RPA1: variants seen among roughly 807,000 people sequenced by gnomAD.
RPA1 encodes the protein replication protein A 70 kDa DNA-binding subunit.
RPA1 carries 49 observed loss-of-function variants against 83.0 expected under a neutral mutation model. The ratio of observed to expected loss-of-function variants is 0.59; its 90% CI spans 0.47 to 0.75. RPA1 has a LOEUF of 0.75. RPA1 is among the 30% of genes least tolerant of loss of function. The pLI is 0.00. For missense variants in RPA1, 693 were observed against 776.1 expected (o/e 0.89, Z 1.27); for synonymous variants, 279 against 281.8 (o/e 0.99, Z 0.10).
At chr17:1,842,736 T>C in intron 1 of RPA1, 67 bp from the exon 2 acceptor site, 1 of 1,421,642 alleles carries the variant, frequency 7.0e-7, no homozygotes, top group South Asian at 1.2e-5. Context: ...ATACCAACTA[T>C]AAAAACATGT....
At chr17:1,883,018 C>T (rs1042721658) in intron 12 of RPA1, among the ~76,000 whole-genome samples, 3 of 152,112 alleles carry the variant, frequency 2.0e-5, no homozygotes, top group Non-Finnish European at 2.9e-5. Flanking sequence ...AAGGTCATTC[C>T]GTTTCTTCAG....
chr17:1,853,302 T>C (rs1912569328), intron 5 of RPA1, 113 bp downstream of exon 5: 1 of 804,746 alleles, frequency 1.2e-6, no homozygotes, highest in African/African-American at 1.7e-5. Flanking sequence ...TGATAGTGAT[T>C]CTGAGGTCTA....
At chr17:1,873,606 G>T (rs7503173) in intron 6 of RPA1, among the ~76,000 whole-genome samples, 43,896 of 151,812 alleles carry the variant, frequency 0.29, 8,130 homozygotes, top group African/African-American at 0.51. Context: ...TACCTTGCAC[G>T]ATCCGTCTAC....
intron 1 of RPA1, among the ~76,000 whole-genome samples, chr17:1,841,804 T>C (rs188001857): frequency 3.3e-5 from 5 of 152,340 alleles, no homozygotes; most frequent in Admixed American, 3.3e-4. Flanking sequence ...GCATTACTTC[T>C]ATGCCTAGTT....
At chr17:1,864,768 C>T (rs576219147) in intron 5 of RPA1, among the ~76,000 whole-genome samples, 77 of 151,920 alleles carry the variant, frequency 5.1e-4, no homozygotes, top group Admixed American at 7.2e-4. Flanking sequence ...AGTGTGGTGG[C>T]GGGCACCTGT....
chr17:1,894,053 G>A (rs1914299299), intron 15 of RPA1, among the ~76,000 whole-genome samples: 1 of 141,768 alleles, frequency 7.1e-6, no homozygotes, highest in African/African-American at 2.6e-5. Context: ...TTTTTTGGTA[G>A]AGATGGGGTT....
At chr17:1,881,633 G>C (rs993239625) in intron 12 of RPA1, among the ~76,000 whole-genome samples, 9 of 152,194 alleles carry the variant, frequency 5.9e-5, no homozygotes, top group African/African-American at 1.9e-4. Flanking sequence ...TCTGGAGTTC[G>C]ACTCCAGGTT....
At chr17:1,891,783 T>C (rs1252576080) in intron 14 of RPA1, 50 bp from the exon 15 acceptor site, 1 of 1,216,880 alleles carries the variant, frequency 8.2e-7, no homozygotes, top group Non-Finnish European at 1.2e-6. Context: ...CTTCTCAGTG[T>C]GTCTTTTTAT....
chr17:1,849,544 G>A (rs1321551687), intron 4 of RPA1, among the ~76,000 whole-genome samples: 1 of 151,280 alleles, frequency 6.6e-6, no homozygotes, highest in East Asian at 1.9e-4. Flanking sequence ...TGCCCACCTC[G>A]GCCTCCCAAA....
chr17:1,895,331 G>T (rs374700162), intron 16 of RPA1, among the ~76,000 whole-genome samples: 1 of 148,908 alleles, frequency 6.7e-6, no homozygotes, highest in African/African-American at 2.5e-5. Context: ...GGATTTTTTT[G>T]TTTGTTTATT....
At chr17:1,870,734 T>G (rs1237509143) in intron 5 of RPA1, among the ~76,000 whole-genome samples, 1 of 152,254 alleles carries the variant, frequency 6.6e-6, no homozygotes, top group African/African-American at 2.4e-5. Flanking sequence ...AAATTGAATC[T>G]ATGTGATCAG....
intron 12 of RPA1, among the ~76,000 whole-genome samples, chr17:1,881,542 C>T (rs924727137): frequency 6.6e-6 from 1 of 152,154 alleles, no homozygotes; most frequent in African/African-American, 2.4e-5. Flanking sequence ...ACGTATCTGC[C>T]GAACTGCAGG....
intron 1 of RPA1, among the ~76,000 whole-genome samples, chr17:1,840,162 C>T (rs1040516189): frequency 5.9e-5 from 9 of 152,020 alleles, no homozygotes; most frequent in African/African-American, 2.2e-4. Flanking sequence ...GAGACAGGGT[C>T]ATGCTTTGTC....
rs927088323 is a variant in RPA1 at position 1,898,618 on chromosome 17, C to CT, written c.*1444dup. The CT allele has an allele frequency of 1.8e-4, 27 of 152,278 alleles. No individual in the cohort carries two copies. The highest frequency in any genetic ancestry group is 6.5e-4 in the African/African-American group (27 of 41,468). 9.4% of individuals were successfully genotyped at this position (152,278 alleles called of 1,614,324 possible). ...TGGGGAGTGATGGTGTCCTGTCTGT[C>CT]TCCCCCCTCGGTGTCTGCCGTTGAC... On this transcript the variant is annotated 3_prime_UTR_variant, in exon 17 of 17. Transcript: ENST00000254719.
chr17:1,876,626 G>C (rs767305661), intron 7 of RPA1, among the ~76,000 whole-genome samples: 2 of 152,148 alleles, frequency 1.3e-5, no homozygotes, highest in Non-Finnish European at 2.9e-5. Context: ...AATCCTTCCA[G>C]ATATGTTTAT....
chr17:1,873,331 C>A (rs961904003), intron 6 of RPA1, among the ~76,000 whole-genome samples: 3 of 152,166 alleles, frequency 2.0e-5, no homozygotes, highest in Admixed American at 1.3e-4. Flanking sequence ...TTAATGGAAT[C>A]ATTTTGTTTA....
chr17:1,847,847 C>G (rs1042837328), intron 4 of RPA1, among the ~76,000 whole-genome samples: 9 of 152,106 alleles, frequency 5.9e-5, no homozygotes, highest in Middle Eastern at 3.4e-3. Flanking sequence ...TGGTGAAACC[C>G]CATCTCTACT....
At chr17:1,873,633 C>A (rs879268916) in intron 6 of RPA1, among the ~76,000 whole-genome samples, 1 of 152,050 alleles carries the variant, frequency 6.6e-6, no homozygotes, top group Non-Finnish European at 1.5e-5. Flanking sequence ...CGCTCTTGCA[C>A]GTTCTCTCTC....
chr17:1,890,662 CAATA>C (rs915470260), intron 14 of RPA1, among the ~76,000 whole-genome samples: 2 of 151,928 alleles, frequency 1.3e-5, no homozygotes, highest in Admixed American at 1.3e-4. Flanking sequence ...GACTCCATCT[CAATA>C]AATAAATAAA....
Sources: allele counts gnomAD v4.1 joint callset (sites outside exome capture counted in the v4.1 genomes callset), GRCh38; gene constraint gnomAD v4.1.1; transcripts MANE v1.5; gene names NCBI Gene and HGNC (gene_info 2026-07-23, HGNC 2026-07-21).